The following BORCS8 variants were observed in gnomAD, a reference collection of about 807,000 sequenced individuals.
BORCS8 encodes BLOC-1-related complex subunit 8.
A neutral mutation model predicts 18.7 loss-of-function variants in BORCS8; 13 were observed. The ratio of observed to expected loss-of-function variants is 0.70; its 90% CI spans 0.45 to 1.11. The LOEUF (loss-of-function observed/expected upper bound fraction) is 1.11, where lower values mean the gene tolerates loss of function less well. Ranked by LOEUF, BORCS8 falls within the 50% of genes least tolerant of loss-of-function variation. The pLI is 0.00. For missense variants in BORCS8, 165 were observed against 165.7 expected, an observed-to-expected ratio of 1.00 and a Z score of 0.02; for synonymous variants, 68 against 64.8, an observed-to-expected ratio of 1.05 and a Z score of -0.24.
chr19:19,177,401 G>A lies in BORCS8; in HGVS notation c.*102C>T, dbSNP rs200146499. On this transcript the variant is annotated 3_prime_UTR_variant, in exon 6 of 6. Coordinates refer to ENST00000462790, the MANE Select transcript of BORCS8 (RefSeq NM_001145784.2). ...TCCCAGCACTTTGGGAGGCTGAGGC[G>A]GGAGGATCACGAGCTCAGGAGTTTG... is the stretch of plus-strand genomic sequence containing the variant. The A allele has an allele frequency of 1.3e-4, 20 of 152,422 alleles. No homozygotes were observed. The East Asian group carries it at 3.7e-3, about 28-fold the overall frequency. 9.4% of individuals were successfully genotyped at this position (152,422 alleles called of 1,614,324 possible).
Position 19,186,101 on chromosome 19 carries a change from G to C in BORCS8, c.151-3C>G. On this transcript the variant is annotated splice_region_variant and splice_polypyrimidine_tract_variant and intron_variant, in intron 2 of 5. Coordinates refer to ENST00000462790, the MANE Select transcript of BORCS8 (RefSeq NM_001145784.2). The stretch of plus-strand genomic sequence containing the variant: ...TCCTCCCAACGCTGCATGTCTGCCT[G>C]TAGGGGGCGCAGGAGATATTTGGCA... The C allele has an allele frequency of 6.4e-7, 1 of 1,551,488 alleles. No individual in the cohort carries two copies. The highest frequency in any genetic ancestry group is 1.2e-5 in the South Asian group (1 of 84,060).
At chr19:19,177,689 GAA>G (rs2060308359) in intron 5 of BORCS8, 1 of 57,240 alleles carries the variant, frequency 1.7e-5, no homozygotes. Context: ...AGGAAGGAAG[GAA>G]GGAAGAGAAA....
In BORCS8 at chr19:19,182,470, G is replaced by C; in HGVS notation, c.326+103C>G. On this transcript the variant is annotated intron_variant, in intron 4 of 5. Transcript: ENST00000462790. This position sits in a 1 kb window ranked among gnomAD's most constrained non-coding sequence, Gnocchi z 4.1. Reference sequence around the variant, plus strand: ...CACCAGACACCAGGACAAAAGGAAAGAGACAGTTTTCTAATAAGCGAGAAG... The same window carrying C: ...CACCAGACACCAGGACAAAAGGAAACAGACAGTTTTCTAATAAGCGAGAAG... The C allele has an allele frequency of 6.8e-7, 1 of 1,467,698 alleles. No individual in the cohort carries two copies. Among genetic ancestry groups the C allele is most frequent in the Non-Finnish European group, 9.0e-7 (1 of 1,110,926 alleles). The allele number at this position is 1,467,698 out of a possible 1,614,324, so 90.9% of individuals were successfully genotyped here.
At chr19:19,179,651 C>T (rs1056841949) in intron 5 of BORCS8, 2 of 152,716 alleles carry the variant, frequency 1.3e-5, no homozygotes, top group African/African-American at 4.8e-5. Context: ...CCCAGGGCCC[C>T]TTTGACCTGC....
chr19:19,188,068 C>T (rs939321628), intron 1 of BORCS8, among the ~76,000 whole-genome samples: 2 of 151,134 alleles, frequency 1.3e-5, no homozygotes, highest in African/African-American at 2.4e-5. Context: ...CTCACTCTGT[C>T]GCCCAGGCTG....
At chr19:19,189,880 G>A (rs1301976949) in intron 1 of BORCS8, among the ~76,000 whole-genome samples, 1 of 151,592 alleles carries the variant, frequency 6.6e-6, no homozygotes, top group East Asian at 1.9e-4. Context: ...TCATACCACT[G>A]CACTCCAGTC....
chr19:19,187,273 C>A (rs1168843361), intron 1 of BORCS8, among the ~76,000 whole-genome samples: 1 of 152,032 alleles, frequency 6.6e-6, no homozygotes. Context: ...GTCAGGAATT[C>A]AAGACCAGCC....
chr19:19,177,690 A>AAGGG (rs1568561919), intron 5 of BORCS8: 7 of 55,594 alleles, frequency 1.3e-4, no homozygotes. Flanking sequence ...GGAAGGAAGG[A>AAGGG]AGGAAGAGAA....
chr19:19,183,421 A>G (rs2060370429), intron 3 of BORCS8, among the ~76,000 whole-genome samples: 1 of 151,498 alleles, frequency 6.6e-6, no homozygotes, highest in South Asian at 2.1e-4. Context: ...AAAAAAAAAA[A>G]AAAATATACA....
chr19:19,188,142 G>A (rs1003814586), intron 1 of BORCS8, among the ~76,000 whole-genome samples: 14 of 151,872 alleles, frequency 9.2e-5, no homozygotes, highest in African/African-American at 3.1e-4. Context: ...TCATTCTCCC[G>A]GCTCAGCCTC....
chr19:19,186,910 C>CG lies in BORCS8; in HGVS notation c.132dup (p.Glu45ArgfsTer99). 6.5e-7 allele frequency: 1 copy of CG among 1,549,764 alleles called. No individual in the cohort carries two copies. Among genetic ancestry groups the CG allele is most frequent in the South Asian group, 1.2e-5 (1 of 83,982 alleles). On this transcript the variant is annotated frameshift_variant, in exon 2 of 6. Coordinates refer to ENST00000462790, the MANE Select transcript of BORCS8 (RefSeq NM_001145784.2). LOFTEE classifies it high-confidence loss of function. ...CAGCTCACCTTGTGCTGGGCCAGCT[C>CG]GGGGAGGGAGCGACGCACATGCTCC...
At chr19:19,185,324 G>A (rs889232409) in intron 3 of BORCS8, among the ~76,000 whole-genome samples, 7 of 152,202 alleles carry the variant, frequency 4.6e-5, no homozygotes, top group Admixed American at 2.0e-4. Context: ...CGAGGCAACC[G>A]GAATAAGGCT....
chr19:19,183,812 C>T (rs2060376803), intron 3 of BORCS8, among the ~76,000 whole-genome samples: 1 of 150,954 alleles, frequency 6.6e-6, no homozygotes, highest in Non-Finnish European at 1.5e-5. Context: ...TCAGGGGATC[C>T]TCCTGCCTCG....
chr19:19,182,374 A>G lies in BORCS8; in HGVS notation c.326+199T>C. The G allele has an allele frequency of 7.4e-7, 1 of 1,355,952 alleles. No individual in the cohort carries two copies. Among genetic ancestry groups the G allele is most frequent in the Non-Finnish European group, 9.6e-7 (1 of 1,046,188 alleles). The allele number at this position is 1,355,952 out of a possible 1,614,324, so 84.0% of individuals were successfully genotyped here. On this transcript the variant is annotated intron_variant, in intron 4 of 5. Coordinates refer to ENST00000462790, the MANE Select transcript of BORCS8 (RefSeq NM_001145784.2). This position sits in a 1 kb window ranked among gnomAD's most constrained non-coding sequence, Gnocchi z 4.1. ...CAGTGCCCAGCCCAGGGCCAGGCAC[A>G]CAGCAGAGCGCAGGACCTCGGTATT...
At chr19:19,183,583 T>A (rs113954889) in intron 3 of BORCS8, among the ~76,000 whole-genome samples, 15,940 of 151,396 alleles carry the variant, frequency 0.11, 899 homozygotes, top group South Asian at 0.17. Context: ...ATATTTTTTT[T>A]CTTTCTTTTT....
In BORCS8 at chr19:19,186,932, C is replaced by G; in HGVS notation, c.111G>C (p.Glu37Asp). The G allele has an allele frequency of 6.4e-7, 1 of 1,551,202 alleles. No individual in the cohort carries two copies. Among genetic ancestry groups the G allele is most frequent in the South Asian group, 1.2e-5 (1 of 84,044 alleles). The change falls in exon 2 of 6, where the codon GAG becomes GAC. Residue 37 changes from glutamate (E) to aspartate (D), a missense_variant. Glu to Asp is a conservative substitution (Grantham distance 45, BLOSUM62 2). Transcript: ENST00000462790. Reference sequence around the variant, plus strand: ...GCTCGGGGAGGGAGCGACGCACATGCTCCTGCAGCCGGTACAGGGCCACGG... The same window carrying G: ...GCTCGGGGAGGGAGCGACGCACATGGTCCTGCAGCCGGTACAGGGCCACGG... ...EPSVALYRLQ[E>D]HVRRSLPELA...
At chr19:19,187,080 C>T in intron 1 of BORCS8, 75 bp from the exon 2 acceptor site, 2 of 1,201,790 alleles carry the variant, frequency 1.7e-6, no homozygotes, top group Non-Finnish European at 2.4e-6. Flanking sequence ...AAGTGTTGAG[C>T]CCAGCCAGAG....
In BORCS8 at chr19:19,182,704, T is replaced by C; in HGVS notation, c.216-21A>G. ...CGGCGCTGAAACGGGAGGACAGGCC[T>C]GGTCAGCGCTCCGGACCTGCAGGTA... On this transcript the variant is annotated intron_variant, in intron 3 of 5. Coordinates refer to ENST00000462790, the MANE Select transcript of BORCS8 (RefSeq NM_001145784.2). The surrounding 1 kb of genome is among the most constrained non-coding windows in gnomAD (Gnocchi z 4.1). 1.3e-6 allele frequency: 2 copies of C among 1,545,312 alleles called. No homozygotes were observed. Among genetic ancestry groups the C allele is most frequent in the Non-Finnish European group, 1.7e-6 (2 of 1,144,516 alleles).
intron 5 of BORCS8, 123 bp downstream of exon 5, chr19:19,180,563 A>T: frequency 1.4e-6 from 1 of 723,106 alleles, no homozygotes; most frequent in Non-Finnish European, 2.4e-6. Context: ...CTCCGAAATC[A>T]TCCCACAAGC....
Sources: allele counts gnomAD v4.1 joint callset (sites outside exome capture counted in the v4.1 genomes callset), GRCh38; gene constraint gnomAD v4.1.1; non-coding constraint Gnocchi (gnomAD v3.1); transcripts MANE v1.5; gene names NCBI Gene and HGNC (gene_info 2026-07-23, HGNC 2026-07-21).